CSMD2: variants seen among roughly 807,000 people sequenced by gnomAD.
CSMD2 encodes CUB and Sushi multiple domains 2.
A neutral mutation model predicts 398.5 loss-of-function variants in CSMD2; 130 were observed. The observed-to-expected ratio is 0.33, with a 90% CI of 0.28 to 0.38. The LOEUF is 0.38. Ranked by LOEUF, CSMD2 falls within the 10% of genes least tolerant of loss-of-function variation. CSMD2 has a pLI of 1.00. For missense variants in CSMD2, 3,829 were observed against 4,764.9 expected, an observed-to-expected ratio of 0.80 and a Z score of 5.78; for synonymous variants, 1,828 against 1,908.5, an observed-to-expected ratio of 0.96 and a Z score of 1.10.
chr1:33,869,717 G>C (rs1203251167), intron 5 of CSMD2, among the ~76,000 whole-genome samples: 1 of 152,164 alleles, frequency 6.6e-6, no homozygotes, highest in Non-Finnish European at 1.5e-5. Context: ...CTCTGCGTAG[G>C]AGGCATGGCT....
chr1:33,884,776 CT>C (rs1457086128), intron 5 of CSMD2: 1 of 152,350 alleles, frequency 6.6e-6, no homozygotes, highest in East Asian at 1.9e-4. Flanking sequence ...CCATCTATCT[CT>C]CCAGGCTCAT....
intron 4 of CSMD2, among the ~76,000 whole-genome samples, chr1:33,920,374 C>CAA (rs35843397): frequency 2.7e-5 from 3 of 110,096 alleles, no homozygotes; most frequent in African/African-American, 3.2e-5. Context: ...ACTAAAAATA[C>CAA]AAAAAAAAAA....
chr1:33,975,654 C>T (rs1421949745), intron 3 of CSMD2, among the ~76,000 whole-genome samples: 1 of 152,016 alleles, frequency 6.6e-6, no homozygotes, highest in Non-Finnish European at 1.5e-5. Flanking sequence ...CAGGTGCCAT[C>T]GAAAGGAACC....
At chr1:33,659,727 C>G (rs903022075) in intron 26 of CSMD2, among the ~76,000 whole-genome samples, 1 of 152,202 alleles carries the variant, frequency 6.6e-6, no homozygotes, top group Non-Finnish European at 1.5e-5. Flanking sequence ...ACTGTATACA[C>G]TGATGTCACT....
At chr1:34,150,079 C>CTTTTTTTTTTTTTTTT (rs772520303) in intron 1 of CSMD2, among the ~76,000 whole-genome samples, 1 of 138,090 alleles carries the variant, frequency 7.2e-6, no homozygotes, top group African/African-American at 2.7e-5. Flanking sequence ...TTTCTTCTTT[C>CTTTTTTTTTTTTTTTT]TTTTTTTTTT....
Position 33,577,347 on chromosome 1 carries a change from G to A in CSMD2, c.7525C>T (p.Arg2509Trp), listed in dbSNP as rs773139280. Residue 2509 changes from arginine to tryptophan, a missense_variant, in exon 49 of 71, where the codon CGG becomes TGG. Physicochemically the swap from Arg to Trp is moderately radical, Grantham distance 101 (BLOSUM62 -3). Coordinates refer to ENST00000373381, the MANE Select transcript of CSMD2 (RefSeq NM_001281956.2). The part of the protein sequence containing the change: ...LVGHSMAICT[R>W]HPQGYHLWSE... ...CACAGGTGGTAGCCCTGGGGGTGCC[G>A]GGTACAGATGGCCATGCTGTGTCCC... 8.1e-6 allele frequency: 13 copies of A among 1,613,864 alleles called. No homozygotes were observed. The African/African-American group carries it at 1.2e-4, about 15-fold the overall frequency.
chr1:33,521,436 C>T, intron 68 of CSMD2, 27 bp downstream of exon 68: 1 of 1,339,546 alleles, frequency 7.5e-7, no homozygotes, highest in South Asian at 1.2e-5. Flanking sequence ...CCCGGGCCCA[C>T]ACTTCCGGGG....
chr1:33,834,246 AACTAC>A (rs1343835919), intron 6 of CSMD2, among the ~76,000 whole-genome samples: 1 of 83,916 alleles, frequency 1.2e-5, no homozygotes, highest in Non-Finnish European at 2.1e-5. Context: ...CCTGACTTCA[AACTAC>A]ACTACAAGGC....
At chr1:33,993,080 G>A (rs902714081) in intron 3 of CSMD2, among the ~76,000 whole-genome samples, 22 of 152,234 alleles carry the variant, frequency 1.4e-4, no homozygotes, top group African/African-American at 5.1e-4. Context: ...GTGTGCACAT[G>A]TATGTGTCTC....
At chr1:33,896,680 AC>A (rs1642406673) in intron 5 of CSMD2, among the ~76,000 whole-genome samples, 1 of 152,148 alleles carries the variant, frequency 6.6e-6, no homozygotes, top group Non-Finnish European at 1.5e-5. Flanking sequence ...AGCTAGGCAC[AC>A]TTTGAAGTGT....
At chr1:34,100,903 G>T (rs1467912604) in intron 1 of CSMD2, among the ~76,000 whole-genome samples, 1 of 152,174 alleles carries the variant, frequency 6.6e-6, no homozygotes, top group African/African-American at 2.4e-5. Context: ...TTCAGGTGGG[G>T]TCGGGTAAGG....
At chr1:33,912,727 T>G (rs1317992350) in intron 5 of CSMD2, among the ~76,000 whole-genome samples, 1 of 152,178 alleles carries the variant, frequency 6.6e-6, no homozygotes, top group Non-Finnish European at 1.5e-5. Context: ...TGTGCCTGAC[T>G]CACTGTGGAG....
At chr1:33,838,331 G>C (rs1488049593) in intron 6 of CSMD2, among the ~76,000 whole-genome samples, 1 of 152,076 alleles carries the variant, frequency 6.6e-6, no homozygotes, top group Non-Finnish European at 1.5e-5. Flanking sequence ...ATCCTTTTTT[G>C]CTAGAGTTTT....
At chr1:34,133,474 T>C (rs1416805112) in intron 1 of CSMD2, among the ~76,000 whole-genome samples, 2 of 151,774 alleles carry the variant, frequency 1.3e-5, no homozygotes, top group Admixed American at 6.6e-5. Context: ...CTACTAAAAA[T>C]ACAAAAATTA....
At chr1:33,848,769 G>GAGTCATTTA (rs1474563566) in intron 5 of CSMD2, among the ~76,000 whole-genome samples, 1 of 150,330 alleles carries the variant, frequency 6.7e-6, no homozygotes. Context: ...ATTACAGACT[G>GAGTCATTTA]AGTCATTTAA....
chr1:33,615,014 C>A (rs913590171), intron 39 of CSMD2, among the ~76,000 whole-genome samples: 1 of 152,172 alleles, frequency 6.6e-6, no homozygotes, highest in African/African-American at 2.4e-5. Flanking sequence ...TTCAAGACTG[C>A]AGAAAAAGGA....
At chr1:33,756,621 G>A (rs1179874639) in intron 13 of CSMD2, among the ~76,000 whole-genome samples, 1 of 152,210 alleles carries the variant, frequency 6.6e-6, no homozygotes, top group Non-Finnish European at 1.5e-5. Context: ...GTGAGGGACA[G>A]AAGGGAGGCC....
intron 5 of CSMD2, chr1:33,869,270 A>T (rs899565633): frequency 1.3e-5 from 2 of 152,254 alleles, no homozygotes; most frequent in Non-Finnish European, 2.9e-5. Flanking sequence ...ATTGCAAGAA[A>T]GAAGACACCA....
intron 1 of CSMD2, among the ~76,000 whole-genome samples, chr1:34,155,565 C>T (rs1228653730): frequency 2.0e-5 from 3 of 152,082 alleles, no homozygotes; most frequent in Non-Finnish European, 4.4e-5. Context: ...TTGTTTCTTC[C>T]CTTTTGAGTT....
Sources: gnomAD v4.1 joint callset for allele counts (sites outside exome capture counted in the v4.1 genomes callset) on GRCh38, gnomAD v4.1.1 for gene constraint, MANE v1.5 for transcripts, NCBI Gene and HGNC (gene_info 2026-07-23, HGNC 2026-07-21) for gene names.